DLGAP2: variants seen among roughly 807,000 people sequenced by gnomAD.
DLGAP2 encodes the protein DLG associated protein 2.
Under a neutral mutation model 100.3 loss-of-function variants are expected in DLGAP2, and 26 were observed. The ratio of observed to expected loss-of-function variants is 0.26; its 90% CI spans 0.19 to 0.36. The LOEUF is 0.36. Ranked by LOEUF, DLGAP2 falls within the 10% of genes least tolerant of loss-of-function variation. The pLI is 1.00. For synonymous variants in DLGAP2, 886 were observed against 630.1 expected (o/e 1.41, Z -6.08); for missense variants, 1,858 against 1,453.2 (o/e 1.28, Z -4.53).
At chr8:1,073,403 A>C (rs191604742) in intron 2 of DLGAP2, among the ~76,000 whole-genome samples, 1 of 152,202 alleles carries the variant, frequency 6.6e-6, no homozygotes, top group Non-Finnish European at 1.5e-5. Flanking sequence ...TTTAATGATC[A>C]TGGGGTTCTA....
At chr8:864,352 G>C (rs1231405598) in intron 1 of DLGAP2, among the ~76,000 whole-genome samples, 1 of 152,126 alleles carries the variant, frequency 6.6e-6, no homozygotes, top group Admixed American at 6.6e-5. Flanking sequence ...TCAACGTAAA[G>C]AAACGATGAA....
chr8:1,437,946 A>C (rs932023998), intron 3 of DLGAP2, among the ~76,000 whole-genome samples: 30 of 152,088 alleles, frequency 2.0e-4, no homozygotes, highest in Non-Finnish European at 7.4e-5. Flanking sequence ...AGATTGCACC[A>C]CTGCACTCCA....
intron 2 of DLGAP2, among the ~76,000 whole-genome samples, chr8:917,831 G>A (rs376934501): frequency 2.6e-5 from 4 of 152,172 alleles, no homozygotes; most frequent in African/African-American, 7.2e-5. Context: ...CGCCTGCCTC[G>A]GCCTCCTAGA....
chr8:1,164,073 G>A (rs932781205), intron 2 of DLGAP2, among the ~76,000 whole-genome samples: 2 of 146,956 alleles, frequency 1.4e-5, no homozygotes, highest in African/African-American at 2.6e-5. Flanking sequence ...CGCTGGCGCC[G>A]TCTTCTCTTC....
chr8:1,289,497 C>G (rs572420034), intron 3 of DLGAP2, among the ~76,000 whole-genome samples: 7 of 152,178 alleles, frequency 4.6e-5, no homozygotes, highest in Non-Finnish European at 1.0e-4. Flanking sequence ...ATCAGTAAGA[C>G]TCACGTGCGG....
intron 4 of DLGAP2, among the ~76,000 whole-genome samples, chr8:1,544,735 A>ATT (rs35617361): frequency 0.026 from 3,760 of 145,714 alleles, 155 homozygotes; most frequent in African/African-American, 0.081. Context: ...ATTTTTGAGG[A>ATT]TTTTTTTTTT....
chr8:1,260,035 T>C (rs1223869154), intron 3 of DLGAP2, among the ~76,000 whole-genome samples: 1 of 152,138 alleles, frequency 6.6e-6, no homozygotes, highest in East Asian at 1.9e-4. Context: ...GAGTCAAAAG[T>C]AATGTGATGT....
intron 4 of DLGAP2, among the ~76,000 whole-genome samples, chr8:1,504,853 T>A (rs1799851930): frequency 6.6e-6 from 1 of 152,210 alleles, no homozygotes; most frequent in South Asian, 2.1e-4. Context: ...CAGATACCCC[T>A]TCCACACATC....
chr8:1,455,182 C>T (rs568629638), intron 3 of DLGAP2, among the ~76,000 whole-genome samples: 2 of 152,250 alleles, frequency 1.3e-5, no homozygotes, highest in African/African-American at 4.8e-5. Context: ...GAGGGAGATG[C>T]TGGCATCAAG....
chr8:1,553,339 CT>C (rs1346034142), intron 5 of DLGAP2, among the ~76,000 whole-genome samples: 1 of 152,198 alleles, frequency 6.6e-6, no homozygotes, highest in African/African-American at 2.4e-5. Flanking sequence ...GGTTCGGACC[CT>C]ACTCTTTATT....
chr8:968,181 C>G (rs1476252293), intron 2 of DLGAP2, among the ~76,000 whole-genome samples: 4 of 151,990 alleles, frequency 2.6e-5, no homozygotes, highest in Non-Finnish European at 4.4e-5. Context: ...TTGGGAATAT[C>G]TGACTTTTAC....
At chr8:1,017,959 G>C (rs181886945) in intron 2 of DLGAP2, among the ~76,000 whole-genome samples, 7 of 152,180 alleles carry the variant, frequency 4.6e-5, no homozygotes, top group African/African-American at 1.4e-4. Flanking sequence ...CACTTTCCTA[G>C]TTGTGGCAGA....
chr8:1,523,151 G>A (rs929181120), intron 4 of DLGAP2, among the ~76,000 whole-genome samples: 1 of 152,196 alleles, frequency 6.6e-6, no homozygotes, highest in Non-Finnish European at 1.5e-5. Flanking sequence ...GTTCTGGGGG[G>A]CGGGAGTGAG....
intron 4 of DLGAP2, among the ~76,000 whole-genome samples, chr8:1,516,829 C>G (rs1455023704): frequency 1.2e-4 from 19 of 152,206 alleles, no homozygotes; most frequent in Non-Finnish European, 2.1e-4. Context: ...CACAATCAGG[C>G]TTGTGCCTTT....
chr8:1,381,339 G>T (rs10110777), intron 3 of DLGAP2: 1 of 152,086 alleles, frequency 6.6e-6, no homozygotes, highest in Non-Finnish European at 1.5e-5. Flanking sequence ...AAAATGGGCC[G>T]TTACGGTTCC....
chr8:1,257,170 C>T (rs562496479), intron 2 of DLGAP2, among the ~76,000 whole-genome samples: 4 of 152,216 alleles, frequency 2.6e-5, no homozygotes, highest in South Asian at 2.1e-4. Flanking sequence ...TTTTAAAGGA[C>T]GATTCATGCT....
At chr8:969,740 C>A (rs1013857270) in intron 2 of DLGAP2, among the ~76,000 whole-genome samples, 11 of 152,026 alleles carry the variant, frequency 7.2e-5, no homozygotes, top group Admixed American at 7.2e-4. Context: ...ATAAGGGTGG[C>A]TTGGAGGGAG....
chr8:1,091,272 A>G (rs1804172390), intron 2 of DLGAP2, among the ~76,000 whole-genome samples: 1 of 152,212 alleles, frequency 6.6e-6, no homozygotes, highest in Non-Finnish European at 1.5e-5. Flanking sequence ...CTCGAAGGTG[A>G]GGCCTGTGAG....
At chr8:876,747 T>C (rs1797692860) in intron 1 of DLGAP2, among the ~76,000 whole-genome samples, 1 of 152,166 alleles carries the variant, frequency 6.6e-6, no homozygotes, top group Admixed American at 6.5e-5. Context: ...CTTACCTCCT[T>C]CTGATGTTCT....
Sources: gnomAD v4.1 joint callset for allele counts (sites outside exome capture counted in the v4.1 genomes callset) on GRCh38, gnomAD v4.1.1 for gene constraint, MANE v1.5 for transcripts, NCBI Gene and HGNC (gene_info 2026-07-23, HGNC 2026-07-21) for gene names.